Variants in DISP1 observed in about 807,000 individuals in gnomAD.
DISP1 encodes dispatched RND transporter family member 1.
A neutral mutation model predicts 37.3 loss-of-function variants in DISP1; 30 were observed. The ratio of observed to expected loss-of-function variants is 0.80; its 90% CI spans 0.60 to 1.09. DISP1 has a LOEUF of 1.09. Ranked by LOEUF, DISP1 falls within the 50% of genes least tolerant of loss-of-function variation. The pLI is 0.00. For synonymous variants in DISP1, 634 were observed against 690.2 expected, an observed-to-expected ratio of 0.92 and a Z score of 1.28; for missense variants, 1,598 against 1,879.5, an observed-to-expected ratio of 0.85 and a Z score of 2.77.
At chr1:222,943,388 C>A (rs1674528277) in intron 3 of DISP1, 56 bp downstream of exon 3, 1 of 1,607,680 alleles carries the variant, frequency 6.2e-7, no homozygotes. Context: ...GTGAACATGA[C>A]AGCTTGTGTT....
At position 223,002,874 on chromosome 1, in the gene DISP1, C is replaced by T. The variant is rs1225690651; in HGVS notation, c.1477C>T (p.His493Tyr). 6.2e-7 allele frequency: 1 copy of T among 1,613,836 alleles called. No homozygotes were observed. The highest frequency in any genetic ancestry group is 8.5e-7 in the Non-Finnish European group (1 of 1,180,052). Residue 493 changes from histidine (H) to tyrosine (Y), a missense_variant, in exon 9 of 9, where the codon CAC (histidine) becomes TAC (tyrosine). Physicochemically the swap from His to Tyr is moderately conservative, Grantham distance 83. Coordinates refer to ENST00000675850, the MANE Select transcript of DISP1 (RefSeq NM_001377229.1). Reference protein sequence around the residue: ...TITGIEFGIKHSLFQDYLLMD... With the variant: ...TITGIEFGIKYSLFQDYLLMD... ...CACCGGGATTGAGTTTGGTATCAAA[C>T]ACAGTTTGTTTCAGGATTATCTTCT...
chr1:222,908,432 G>A (rs990848852), intron 1 of DISP1, among the ~76,000 whole-genome samples: 4 of 152,150 alleles, frequency 2.6e-5, no homozygotes, highest in African/African-American at 9.7e-5. Flanking sequence ...TTGAGATGGA[G>A]TCTTGCTCTG....
At chr1:222,967,738 G>T (rs1360152399) in intron 3 of DISP1, among the ~76,000 whole-genome samples, 1 of 152,128 alleles carries the variant, frequency 6.6e-6, no homozygotes, top group Non-Finnish European at 1.5e-5. Context: ...AGTTTGCTTT[G>T]TAAGAAAGAT....
chr1:223,003,412 A>G lies in DISP1; in HGVS notation c.2015A>G (p.Lys672Arg). The G allele has an allele frequency of 1.2e-6, 2 of 1,614,164 alleles. No homozygotes were observed. Among genetic ancestry groups the G allele is most frequent in the Non-Finnish European group, 1.7e-6 (2 of 1,180,046 alleles). ...CTTAATATATTCACTTGCTTCAAAA[A>G]GCCCCAGCAGCAAATATATGATAAC... is the stretch of plus-strand genomic sequence containing the variant. The part of the protein sequence containing the change: ...YLLNIFTCFK[K>R]PQQQIYDNKS... Residue 672 changes from lysine (K) to arginine (R), a missense_variant, in exon 9 of 9, where the codon AAG becomes AGG. Coordinates refer to ENST00000675850, the MANE Select transcript of DISP1 (RefSeq NM_001377229.1). This position sits in a 1 kb window ranked among gnomAD's most constrained non-coding sequence, Gnocchi z 4.3.
chr1:222,950,271 G>A (rs1675110744), intron 3 of DISP1, among the ~76,000 whole-genome samples: 1 of 152,136 alleles, frequency 6.6e-6, no homozygotes, highest in African/African-American at 2.4e-5. Context: ...TGAAGGGAAA[G>A]CTTTCAAAAA....
intron 1 of DISP1, among the ~76,000 whole-genome samples, chr1:222,860,118 A>T (rs140450181): frequency 1.3e-5 from 2 of 152,128 alleles, no homozygotes; most frequent in African/African-American, 4.8e-5. Flanking sequence ...GTGCAATGGC[A>T]CGATCTCGGC....
intron 1 of DISP1, among the ~76,000 whole-genome samples, chr1:222,878,353 G>T (rs903436921): frequency 4.6e-5 from 7 of 152,096 alleles, no homozygotes; most frequent in African/African-American, 1.7e-4. Context: ...AGATCTTGTT[G>T]TAGTACAGAT....
At chr1:222,910,011 A>C (rs1672123818) in intron 1 of DISP1, among the ~76,000 whole-genome samples, 1 of 152,196 alleles carries the variant, frequency 6.6e-6, no homozygotes, top group Non-Finnish European at 1.5e-5. Flanking sequence ...TAGTGACCAG[A>C]AACTGAAAAA....
At chr1:222,823,174 CTGAG>C (rs1286369979) in intron 1 of DISP1, among the ~76,000 whole-genome samples, 1 of 152,192 alleles carries the variant, frequency 6.6e-6, no homozygotes, top group African/African-American at 2.4e-5. Flanking sequence ...AATCCCACTA[CTGAG>C]TATGTACGCA....
rs67660273 is a variant in DISP1 at position 222,984,435 on chromosome 1, T to TATATATATATATAGAGAGAGAG, written c.539+1327_539+1328insTATATATATATAGAGAGAGAGA. 7.4e-5 allele frequency among the ~76,000 whole-genome samples: 8 copies of TATATATATATATAGAGAGAGAG among 108,370 alleles called. No individual in the cohort carries two copies. In the South Asian group the frequency reaches 1.9e-3, roughly 26 times the overall value. The allele number at this position is 108,370 out of a possible 152,430, so 71.1% of individuals were successfully genotyped here. ...AAAAAAAAAAAAATATATATATATA[T>TATATATATATATAGAGAGAGAG]AGAGAGAGAGAGAGAGAGAGAGAGC... On this transcript the variant is annotated intron_variant, in intron 4 of 8. Transcript: ENST00000675850.
intron 1 of DISP1, among the ~76,000 whole-genome samples, chr1:222,880,364 G>T (rs2125365091): frequency 6.6e-6 from 1 of 152,160 alleles, no homozygotes; most frequent in Non-Finnish European, 1.5e-5. Flanking sequence ...TTTCTATGTG[G>T]TCTAATTTTT....
chr1:222,977,033 A>G (rs1677382893), intron 3 of DISP1, among the ~76,000 whole-genome samples: 1 of 152,010 alleles, frequency 6.6e-6, no homozygotes, highest in South Asian at 2.1e-4. Flanking sequence ...TTCAGATAGC[A>G]TATTCTTTTT....
At chr1:222,847,640 T>C in intron 1 of DISP1, among the ~76,000 whole-genome samples, 1 of 152,074 alleles carries the variant, frequency 6.6e-6, no homozygotes, top group Non-Finnish European at 1.5e-5. Flanking sequence ...TTGTTTGCAA[T>C]TCCCTCCTCT....
At chr1:222,869,468 T>C (rs1669395095) in intron 1 of DISP1, among the ~76,000 whole-genome samples, 1 of 152,168 alleles carries the variant, frequency 6.6e-6, no homozygotes, top group Admixed American at 6.6e-5. Flanking sequence ...GCTCTTGTTA[T>C]AAGTTTCTAT....
At chr1:222,964,606 C>G (rs1676332725) in intron 3 of DISP1, among the ~76,000 whole-genome samples, 1 of 152,164 alleles carries the variant, frequency 6.6e-6, no homozygotes, top group Non-Finnish European at 1.5e-5. Flanking sequence ...GGTGATGGGT[C>G]ATAGGCTGCC....
intron 1 of DISP1, among the ~76,000 whole-genome samples, chr1:222,852,708 A>G (rs1313301280): frequency 3.9e-5 from 6 of 152,236 alleles, no homozygotes; most frequent in Admixed American, 3.9e-4. Flanking sequence ...TCTGACCTCA[A>G]AAATAAAATA....
intron 3 of DISP1, among the ~76,000 whole-genome samples, chr1:222,976,877 A>G (rs1396056753): frequency 1.3e-5 from 2 of 152,202 alleles, no homozygotes; most frequent in Non-Finnish European, 2.9e-5. Context: ...GAAATTCAAG[A>G]TGTATTTTTA....
intron 2 of DISP1, among the ~76,000 whole-genome samples, chr1:222,929,634 C>T (rs575140427): frequency 6.6e-6 from 1 of 152,058 alleles, no homozygotes; most frequent in Non-Finnish European, 1.5e-5. Context: ...AATCACTAAA[C>T]TGTGTAAATA....
chr1:222,849,058 GTGAA>G (rs1668081626), intron 1 of DISP1, among the ~76,000 whole-genome samples: 1 of 152,148 alleles, frequency 6.6e-6, no homozygotes, highest in Non-Finnish European at 1.5e-5. Flanking sequence ...GTCCTCAAGA[GTGAA>G]TGTGTGTATA....
Sources: allele counts gnomAD v4.1 joint callset (sites outside exome capture counted in the v4.1 genomes callset), GRCh38; gene constraint gnomAD v4.1.1; non-coding constraint Gnocchi (gnomAD v3.1); transcripts MANE v1.5; gene names NCBI Gene and HGNC (gene_info 2026-07-23, HGNC 2026-07-21).